The following PTPRT variants were observed in gnomAD, a reference collection of about 807,000 sequenced individuals.
PTPRT encodes protein tyrosine phosphatase receptor type T, also known as receptor-type tyrosine-protein phosphatase T.
Under a neutral mutation model 176.8 loss-of-function variants are expected in PTPRT, and 56 were observed. The ratio of observed to expected loss-of-function variants is 0.32; its 90% CI spans 0.26 to 0.40. PTPRT has a LOEUF of 0.40. Among genes scored for constraint, PTPRT ranks in the 10% least tolerant of loss-of-function variants. PTPRT has a pLI of 1.00. For missense variants in PTPRT, 1,540 were observed against 1,908.2 expected (o/e 0.81, Z 3.60); for synonymous variants, 783 against 739.0 (o/e 1.06, Z -0.96).
chr20:42,121,957 C>G (rs904829030), intron 19 of PTPRT, among the ~76,000 whole-genome samples: 14 of 152,014 alleles, frequency 9.2e-5, no homozygotes, highest in African/African-American at 3.4e-4. Flanking sequence ...ACAGTGGGAG[C>G]TAAATAATGT....
At chr20:42,453,983 G>A (rs2070878216) in intron 8 of PTPRT, among the ~76,000 whole-genome samples, 1 of 152,054 alleles carries the variant, frequency 6.6e-6, no homozygotes, top group African/African-American at 2.4e-5. Flanking sequence ...ATAGGTGTGA[G>A]CCACTGCGCT....
At chr20:42,168,133 A>C (rs1357113786) in intron 16 of PTPRT, among the ~76,000 whole-genome samples, 1 of 151,414 alleles carries the variant, frequency 6.6e-6, no homozygotes, top group Non-Finnish European at 1.5e-5. Context: ...ACAGTTCTTC[A>C]TCCTCATTGT....
intron 16 of PTPRT, among the ~76,000 whole-genome samples, chr20:42,186,906 C>T (rs1568654620): frequency 6.6e-6 from 1 of 151,978 alleles, no homozygotes; most frequent in African/African-American, 2.4e-5. Flanking sequence ...GTGTTGAACT[C>T]GATGTGGGAG....
chr20:42,884,076 G>T (rs1345196498), intron 2 of PTPRT, among the ~76,000 whole-genome samples: 1 of 152,070 alleles, frequency 6.6e-6, no homozygotes, highest in East Asian at 1.9e-4. Flanking sequence ...TTAAGCAGAG[G>T]TGTCTTGGAT....
intron 7 of PTPRT, among the ~76,000 whole-genome samples, chr20:42,638,365 A>G (rs1262213485): frequency 2.0e-5 from 3 of 152,098 alleles, no homozygotes; most frequent in Non-Finnish European, 4.4e-5. Flanking sequence ...GTCGAAACAT[A>G]AAACAGGTGG....
chr20:42,177,882 C>A (rs567600341), intron 16 of PTPRT, among the ~76,000 whole-genome samples: 1 of 151,572 alleles, frequency 6.6e-6, no homozygotes, highest in Non-Finnish European at 1.5e-5. Flanking sequence ...TCCTCTCTCT[C>A]TTTTTTCTTT....
At chr20:42,058,403 A>T in the PTPRT span, among the ~76,000 whole-genome samples, 1 of 152,344 alleles carries the variant, frequency 6.6e-6, no homozygotes, top group South Asian at 2.1e-4. Context: ...AGAGGCACTA[A>T]CTGGAGTCAC....
rs148652197 is a variant in PTPRT at position 42,445,619 on chromosome 20, G to A, written c.1560+2601C>T. Among the ~76,000 whole-genome samples the A allele has an allele frequency of 3.3e-3, 505 of 152,198 alleles. 2 individuals carry two copies. The highest frequency in any genetic ancestry group is 0.014 in the Middle Eastern group (4 of 294). ...TCCCTCAATAATTTTGGCATATTCCGCAAAAGTAGCCTCAAATGCTTACAA... is the reference window on the plus strand; with the variant it reads ...TCCCTCAATAATTTTGGCATATTCCACAAAAGTAGCCTCAAATGCTTACAA... On this transcript the variant is annotated intron_variant, in intron 9 of 30. Transcript: ENST00000373187.
intron 2 of PTPRT, among the ~76,000 whole-genome samples, chr20:42,836,368 C>G (rs2078181078): frequency 1.3e-5 from 2 of 152,216 alleles, no homozygotes; most frequent in South Asian, 4.1e-4. Context: ...TCAGTGCCAC[C>G]ACCTGGTCTG....
chr20:42,455,191 G>C (rs1373110753), intron 8 of PTPRT, among the ~76,000 whole-genome samples: 1 of 152,056 alleles, frequency 6.6e-6, no homozygotes, highest in Non-Finnish European at 1.5e-5. Context: ...AATTGAAAAA[G>C]CAAAAAAGAA....
At chr20:42,464,615 C>G (rs1370333040) in intron 8 of PTPRT, among the ~76,000 whole-genome samples, 1 of 152,116 alleles carries the variant, frequency 6.6e-6, no homozygotes. Flanking sequence ...TTTCTCTTTG[C>G]CCTTTATAAT....
At chr20:42,205,769 A>G (rs1383315954) in intron 15 of PTPRT, among the ~76,000 whole-genome samples, 2 of 152,118 alleles carry the variant, frequency 1.3e-5, no homozygotes, top group Non-Finnish European at 2.9e-5. Context: ...CTTTCCTGGA[A>G]ACCATGAAGA....
chr20:42,706,471 T>G (rs1035287635), intron 6 of PTPRT, among the ~76,000 whole-genome samples: 5 of 152,138 alleles, frequency 3.3e-5, no homozygotes, highest in Non-Finnish European at 5.9e-5. Flanking sequence ...AGCAAGTTAC[T>G]TGCTGCATTA....
intron 7 of PTPRT, among the ~76,000 whole-genome samples, chr20:42,519,758 T>C (rs1242683606): frequency 6.6e-6 from 1 of 152,158 alleles, no homozygotes; most frequent in Non-Finnish European, 1.5e-5. Context: ...ATAGAATTCT[T>C]TAATTTTTTA....
chr20:42,482,858 A>G (rs927287305), intron 7 of PTPRT, among the ~76,000 whole-genome samples: 1 of 152,182 alleles, frequency 6.6e-6, no homozygotes, highest in Non-Finnish European at 1.5e-5. Context: ...TTTGGGGGAC[A>G]TAGTGTTAAC....
At chr20:43,019,372 G>A (rs1198077816) in intron 1 of PTPRT, among the ~76,000 whole-genome samples, 4 of 152,154 alleles carry the variant, frequency 2.6e-5, no homozygotes, top group Non-Finnish European at 5.9e-5. Flanking sequence ...AGTAATCCCA[G>A]CACTTTGGGA....
chr20:42,609,500 C>T (rs2073938393), intron 7 of PTPRT, among the ~76,000 whole-genome samples: 1 of 152,140 alleles, frequency 6.6e-6, no homozygotes, highest in African/African-American at 2.4e-5. Context: ...TTGTTATGGC[C>T]AATGTCACAT....
intron 1 of PTPRT, among the ~76,000 whole-genome samples, chr20:42,888,890 C>A (rs559698656): frequency 1.7e-4 from 26 of 152,206 alleles, no homozygotes; most frequent in Middle Eastern, 3.4e-3. Flanking sequence ...AATATGCTTT[C>A]TTATGTATGT....
intron 12 of PTPRT, among the ~76,000 whole-genome samples, chr20:42,284,884 T>C (rs750193045): frequency 6.6e-6 from 1 of 150,562 alleles, no homozygotes; most frequent in Non-Finnish European, 1.5e-5. Flanking sequence ...GAATCATTCA[T>C]ATAAAATCTT....
Sources: allele counts gnomAD v4.1 joint callset (sites outside exome capture counted in the v4.1 genomes callset), GRCh38; gene constraint gnomAD v4.1.1; transcripts MANE v1.5; gene names NCBI Gene and HGNC (gene_info 2026-07-23, HGNC 2026-07-21).